ABCD2: variants seen among roughly 807,000 people sequenced by gnomAD.
The protein encoded by ABCD2 is ATP-binding cassette sub-family D member 2.
A neutral mutation model predicts 70.9 loss-of-function variants in ABCD2; 36 were observed. The observed-to-expected ratio is 0.51, with a 90% CI of 0.39 to 0.67. The LOEUF (loss-of-function observed/expected upper bound fraction) is 0.67. Ranked by LOEUF, ABCD2 falls within the 30% of genes least tolerant of loss-of-function variation. The pLI is 0.00. For missense variants in ABCD2, 729 were observed against 890.2 expected (o/e 0.82, Z 2.30); for synonymous variants, 304 against 306.9 (o/e 0.99, Z 0.10).
chr12:39,603,386 A>G (rs936071476), intron 5 of ABCD2, among the ~76,000 whole-genome samples: 1 of 152,106 alleles, frequency 6.6e-6, no homozygotes, highest in Non-Finnish European at 1.5e-5. Flanking sequence ...TGTAATTAAT[A>G]CATAAGATAT....
intron 9 of ABCD2, among the ~76,000 whole-genome samples, chr12:39,561,127 G>C (rs1265173001): frequency 6.6e-6 from 1 of 152,048 alleles, no homozygotes; most frequent in African/African-American, 2.4e-5. Context: ...CAGGTGCAGT[G>C]GCTCACGTCT....
intron 9 of ABCD2, among the ~76,000 whole-genome samples, chr12:39,567,593 A>G (rs1005710014): frequency 1.1e-4 from 17 of 151,972 alleles, no homozygotes; most frequent in African/African-American, 3.6e-4. Flanking sequence ...CAATTTGCCA[A>G]TTTGTGTCTT....
chr12:39,547,447 ATGGTATATACATGTACAGGAC>A (rs1239454354), downstream of ABCD2, among the ~76,000 whole-genome samples: 8 of 152,198 alleles, frequency 5.3e-5, no homozygotes, highest in African/African-American at 1.9e-4. Context: ...TAGGCAAAAT[ATGGTATATACATGTACAGGAC>A]TGTTATTCAG....
intron 8 of ABCD2, among the ~76,000 whole-genome samples, chr12:39,578,503 A>G (rs1283556230): frequency 6.6e-6 from 1 of 151,118 alleles, no homozygotes; most frequent in African/African-American, 2.4e-5. Context: ...AGTGAGTAAC[A>G]TAGTTTCTGA....
intron 9 of ABCD2, among the ~76,000 whole-genome samples, chr12:39,556,844 C>T (rs942077812): frequency 5.3e-5 from 8 of 151,936 alleles, no homozygotes; most frequent in East Asian, 1.9e-4. Flanking sequence ...ATTAGCTGGG[C>T]GTGAAGGCGG....
intron 6 of ABCD2, among the ~76,000 whole-genome samples, chr12:39,598,760 T>G (rs1941855729): frequency 6.6e-6 from 1 of 152,164 alleles, no homozygotes; most frequent in African/African-American, 2.4e-5. Context: ...TATTTTGAAA[T>G]AGGTTGCATA....
chr12:39,608,414 C>T (rs141475775), intron 2 of ABCD2, among the ~76,000 whole-genome samples: 3 of 152,156 alleles, frequency 2.0e-5, no homozygotes, highest in Admixed American at 6.5e-5. Context: ...CGGCCAGGTG[C>T]GGTGGCTCAT....
chr12:39,603,822 T>A, intron 5 of ABCD2, 90 bp downstream of exon 5: 1 of 947,170 alleles, frequency 1.1e-6, no homozygotes, highest in Non-Finnish European at 1.6e-6. Context: ...CAAATGCTCC[T>A]CCAAGTATTT....
chr12:39,566,020 A>G (rs777170737), intron 9 of ABCD2, among the ~76,000 whole-genome samples: 5 of 152,074 alleles, frequency 3.3e-5, no homozygotes, highest in Non-Finnish European at 4.4e-5. Flanking sequence ...GTGCTGCTGG[A>G]TTTAGTTTGC....
chr12:39,562,628 A>G (rs1037630333), intron 9 of ABCD2, among the ~76,000 whole-genome samples: 5 of 152,178 alleles, frequency 3.3e-5, no homozygotes, highest in Non-Finnish European at 7.4e-5. Context: ...CAAAGATTGA[A>G]CTATGAAGAA....
intron 8 of ABCD2, among the ~76,000 whole-genome samples, chr12:39,576,306 C>T (rs1028838480): frequency 6.6e-6 from 1 of 152,090 alleles, no homozygotes; most frequent in African/African-American, 2.4e-5. Flanking sequence ...ACTATAGGCG[C>T]CCGCCACCAT....
intron 2 of ABCD2, among the ~76,000 whole-genome samples, chr12:39,612,635 T>G (rs1403071633): frequency 6.6e-6 from 1 of 152,260 alleles, no homozygotes; most frequent in Non-Finnish European, 1.5e-5. Flanking sequence ...TAGTCACTTT[T>G]ATGCATACCT....
chr12:39,532,492 T>C, the ABCD2 span, among the ~76,000 whole-genome samples: 324 of 152,270 alleles, frequency 2.1e-3, 3 homozygotes, highest in African/African-American at 7.0e-3. Context: ...AGGAGACAAA[T>C]TGGCACTCAT....
Position 39,553,952 on chromosome 12 carries a change from G to T in ABCD2, c.2183C>A (p.Ser728Ter), listed in dbSNP as rs1206474793. The T allele has an allele frequency of 6.2e-7, 1 of 1,612,630 alleles. No individual in the cohort carries two copies. The highest frequency in any genetic ancestry group is 8.5e-7 in the Non-Finnish European group (1 of 1,179,602). ...NELCKILGED[S>*]VLKTIKNEDE... ...TTCATTTTTAATTGTTTTCAGCACT[G>T]AGTCTTCTCCCAAAATTTTACATAG... The change falls in exon 10 of 10, where the codon TCA becomes TAA. Residue 728 changes from serine (S) to a stop codon, truncating the protein, a stop_gained. Transcript: ENST00000308666. LOFTEE classifies it high-confidence loss of function.
the ABCD2 span, among the ~76,000 whole-genome samples, chr12:39,537,935 G>A: frequency 2.0e-5 from 3 of 152,168 alleles, no homozygotes; most frequent in Non-Finnish European, 2.9e-5. Flanking sequence ...GAATCAGAAT[G>A]AGGCAGGAGA....
intron 3 of ABCD2, among the ~76,000 whole-genome samples, chr12:39,605,517 GA>G (rs1157197195): frequency 6.6e-6 from 1 of 151,956 alleles, no homozygotes; most frequent in East Asian, 1.9e-4. Flanking sequence ...TATGCCCAAA[GA>G]AAAACATTAA....
At chr12:39,589,905 T>C (rs1941722204) in intron 6 of ABCD2, among the ~76,000 whole-genome samples, 1 of 152,194 alleles carries the variant, frequency 6.6e-6, no homozygotes, top group Admixed American at 6.5e-5. Flanking sequence ...ATTCTATATA[T>C]GTTTGATGTA....
chr12:39,619,436 T>C lies in ABCD2; in HGVS notation c.180A>G (p.Ala60=). 1.2e-6 allele frequency: 2 copies of C among 1,614,158 alleles called. No individual in the cohort carries two copies. Among genetic ancestry groups the C allele is most frequent in the Non-Finnish European group, 1.7e-6 (2 of 1,180,034 alleles). ...TGCAATGCAGTATTTCTGTGTTCTC[T>C]GCAGCAGGGTAAGCTGCTGCTTTTT... ...GKKKAAAYPA[A]ENTEILHCTE... Residue 60 remains alanine, a synonymous_variant, in exon 1 of 10, where the codon GCA becomes GCG. Transcript: ENST00000308666.
the ABCD2 span, among the ~76,000 whole-genome samples, chr12:39,538,288 G>C: frequency 1.3e-5 from 2 of 150,672 alleles, no homozygotes; most frequent in African/African-American, 4.9e-5. Flanking sequence ...TCCTGTCTCA[G>C]CCTCCCGAGT....
Sources: allele counts gnomAD v4.1 joint callset (sites outside exome capture counted in the v4.1 genomes callset), GRCh38; gene constraint gnomAD v4.1.1; transcripts MANE v1.5; gene names NCBI Gene and HGNC (gene_info 2026-07-23, HGNC 2026-07-21).